CNTNAP2: variants seen among roughly 807,000 people sequenced by gnomAD.
The protein encoded by CNTNAP2 is contactin associated protein 2.
Under a neutral mutation model 155.2 loss-of-function variants are expected in CNTNAP2, and 98 were observed. The observed-to-expected ratio is 0.63, with a 90% CI of 0.54 to 0.75. The LOEUF (loss-of-function observed/expected upper bound fraction) is 0.75. CNTNAP2 is among the 30% of genes least tolerant of loss of function. The pLI, the probability that CNTNAP2 is intolerant of heterozygous loss-of-function variation, is 0.00. For missense variants in CNTNAP2, 1,727 were observed against 1,688.1 expected, an observed-to-expected ratio of 1.02 and a Z score of -0.40; for synonymous variants, 651 against 631.2, an observed-to-expected ratio of 1.03 and a Z score of -0.47.
At chr7:146,755,534 T>C (rs1801981089) in intron 1 of CNTNAP2, among the ~76,000 whole-genome samples, 1 of 151,986 alleles carries the variant, frequency 6.6e-6, no homozygotes, top group Non-Finnish European at 1.5e-5. Flanking sequence ...GGATAACTTG[T>C]CAAGTGCATT....
chr7:146,327,149 AG>A (rs748445905), intron 1 of CNTNAP2, among the ~76,000 whole-genome samples: 1 of 151,686 alleles, frequency 6.6e-6, no homozygotes, highest in African/African-American at 2.4e-5. Flanking sequence ...TAATTATTCA[AG>A]GGTATTTGAA....
At chr7:148,261,818 G>T (rs1796568355) in intron 20 of CNTNAP2, among the ~76,000 whole-genome samples, 1 of 152,204 alleles carries the variant, frequency 6.6e-6, no homozygotes, top group African/African-American at 2.4e-5. Context: ...ACTCAGACAG[G>T]CTTCACCTCA....
chr7:147,714,167 C>G (rs532236924), intron 13 of CNTNAP2, among the ~76,000 whole-genome samples: 4 of 152,170 alleles, frequency 2.6e-5, no homozygotes, highest in African/African-American at 4.8e-5. Flanking sequence ...AAGGGACAAA[C>G]AGTGCTGACT....
rs529547502 is a variant in CNTNAP2 at position 147,253,209 on chromosome 7, C to A, written c.1349-46932C>A. 3.7e-4 allele frequency among the ~76,000 whole-genome samples: 56 copies of A among 152,142 alleles called. No individual in the cohort carries two copies. In the South Asian group the frequency reaches 0.01, roughly 28 times the overall value. Reference sequence around the variant, plus strand: ...TACGGTCCTCGGTCTCTGGATTGAACCTTATCCACTAGATTGGAGCATAGG... The same window carrying A: ...TACGGTCCTCGGTCTCTGGATTGAAACTTATCCACTAGATTGGAGCATAGG... On this transcript the variant is annotated intron_variant, in intron 8 of 23. Coordinates refer to ENST00000361727, the MANE Select transcript of CNTNAP2 (RefSeq NM_014141.6).
At chr7:146,333,259 T>C (rs534597050) in intron 1 of CNTNAP2, among the ~76,000 whole-genome samples, 1 of 152,126 alleles carries the variant, frequency 6.6e-6, no homozygotes, top group Non-Finnish European at 1.5e-5. Flanking sequence ...TTTCTTCTTG[T>C]AGAAGAATAG....
chr7:148,192,916 A>C (rs1795223417), intron 18 of CNTNAP2, among the ~76,000 whole-genome samples: 1 of 152,190 alleles, frequency 6.6e-6, no homozygotes, highest in Admixed American at 6.5e-5. Flanking sequence ...TGAATTTTTA[A>C]TAAGGGCCAC....
At chr7:146,801,553 T>C (rs1007423945) in intron 2 of CNTNAP2, among the ~76,000 whole-genome samples, 1 of 152,176 alleles carries the variant, frequency 6.6e-6, no homozygotes, top group Non-Finnish European at 1.5e-5. Flanking sequence ...AGTGGAAATA[T>C]ATAGAGAATT....
intron 3 of CNTNAP2, among the ~76,000 whole-genome samples, chr7:146,990,968 T>C (rs1584769926): frequency 1.3e-5 from 2 of 152,090 alleles, no homozygotes; most frequent in African/African-American, 2.4e-5. Context: ...AATTAGTTCA[T>C]ATGTGAAACC....
In CNTNAP2 at chr7:147,770,274, G is replaced by GT. The variant is rs1180863752; in HGVS notation, c.2098+130975dup. On this transcript the variant is annotated intron_variant, in intron 13 of 23. Transcript: ENST00000361727. The stretch of plus-strand genomic sequence containing the variant: ...TAGTCTACACTACTATAGTGTTGTT[G>GT]TTTTTTTAAAATTATTTCCTTGCCT... 2.0e-5 allele frequency among the ~76,000 whole-genome samples: 3 copies of GT among 152,010 alleles called. No homozygotes were observed. In the South Asian group the frequency reaches 6.2e-4, roughly 32 times the overall value.
chr7:147,052,812 T>TAAA (rs1799496026), intron 4 of CNTNAP2, among the ~76,000 whole-genome samples: 1 of 152,086 alleles, frequency 6.6e-6, no homozygotes, highest in Non-Finnish European at 1.5e-5. Flanking sequence ...GATAAACTGA[T>TAAA]AATTAATGAG....
chr7:147,281,270 T>A (rs897528637), intron 8 of CNTNAP2, among the ~76,000 whole-genome samples: 18 of 151,908 alleles, frequency 1.2e-4, no homozygotes, highest in African/African-American at 4.1e-4. Flanking sequence ...ATAGGAAGGC[T>A]GCAACATTGC....
intron 13 of CNTNAP2, among the ~76,000 whole-genome samples, chr7:147,750,463 A>G (rs1254440521): frequency 6.6e-6 from 1 of 152,096 alleles, no homozygotes. Flanking sequence ...AATTTTCTCT[A>G]TAAGTATTTA....
intron 3 of CNTNAP2, among the ~76,000 whole-genome samples, chr7:146,983,196 T>C (rs969944215): frequency 2.0e-5 from 3 of 152,152 alleles, no homozygotes; most frequent in Non-Finnish European, 2.9e-5. Context: ...AAAAATGGCT[T>C]TTAAAATTGT....
intron 14 of CNTNAP2, among the ~76,000 whole-genome samples, chr7:147,904,932 G>A (rs900253098): frequency 7.3e-6 from 1 of 136,826 alleles, no homozygotes; most frequent in Non-Finnish European, 1.7e-5. Context: ...CACACACACT[G>A]TATACAAAGA....
chr7:147,420,919 G>A (rs1797281656), intron 10 of CNTNAP2, among the ~76,000 whole-genome samples: 1 of 152,174 alleles, frequency 6.6e-6, no homozygotes, highest in East Asian at 1.9e-4. Flanking sequence ...TGACAAAGAA[G>A]GAGGTTAAGG....
chr7:147,596,229 C>T (rs1021709356), intron 12 of CNTNAP2, among the ~76,000 whole-genome samples: 1 of 152,182 alleles, frequency 6.6e-6, no homozygotes, highest in Non-Finnish European at 1.5e-5. Context: ...GTCTCTCTTT[C>T]TCTCCTTTTC....
At chr7:147,864,390 A>G (rs900110561) in intron 13 of CNTNAP2, among the ~76,000 whole-genome samples, 6 of 152,134 alleles carry the variant, frequency 3.9e-5, no homozygotes, top group Non-Finnish European at 8.8e-5. Context: ...CTTTTGGCTT[A>G]GGATTTTCTT....
At chr7:146,947,557 GTATATA>G (rs1325610298) in intron 3 of CNTNAP2, among the ~76,000 whole-genome samples, 3 of 50,714 alleles carry the variant, frequency 5.9e-5, no homozygotes, top group Non-Finnish European at 1.4e-4. Flanking sequence ...GTGTGTGTGT[GTATATA>G]TATATATATA....
At chr7:147,145,260 G>A (rs765354959) in intron 8 of CNTNAP2, among the ~76,000 whole-genome samples, 1 of 152,118 alleles carries the variant, frequency 6.6e-6, no homozygotes, top group Non-Finnish European at 1.5e-5. Context: ...CAAAATCGGT[G>A]GTTCTCAGCT....
Sources: gnomAD v4.1 joint callset for allele counts (sites outside exome capture counted in the v4.1 genomes callset) on GRCh38, gnomAD v4.1.1 for gene constraint, MANE v1.5 for transcripts, NCBI Gene and HGNC (gene_info 2026-07-23, HGNC 2026-07-21) for gene names.